DLC1: variants seen among roughly 807,000 people sequenced by gnomAD.
DLC1 encodes DLC1 Rho GTPase activating protein.
In DLC1, 54 loss-of-function variants were observed where a neutral mutation model predicts 140.3. The ratio of observed to expected loss-of-function variants is 0.38; its 90% CI spans 0.31 to 0.48. DLC1 has a LOEUF of 0.48. Ranked by LOEUF, DLC1 falls within the 20% of genes least tolerant of loss-of-function variation. The pLI is 0.96. For missense variants in DLC1, 2,536 were observed against 1,907.0 expected (o/e 1.33, Z -6.14); for synonymous variants, 986 against 728.1 (o/e 1.35, Z -5.70).
intron 6 of DLC1, among the ~76,000 whole-genome samples, chr8:13,111,874 T>G (rs1820141385): frequency 6.6e-6 from 1 of 152,136 alleles, no homozygotes; most frequent in Non-Finnish European, 1.5e-5. Context: ...CTGGGCACTG[T>G]GGCTCACATC....
Position 13,497,253 on chromosome 8 carries a change from A to G in DLC1, c.1023+1796T>C, listed in dbSNP as rs952821019. On this transcript the variant is annotated intron_variant, in intron 2 of 17. Transcript: ENST00000276297. ...CTAAAAATGGCGAATTGCCAATTCAATGGTATTTTAACACTCATCCAATAA... is the reference window on the plus strand; with the variant it reads ...CTAAAAATGGCGAATTGCCAATTCAGTGGTATTTTAACACTCATCCAATAA... Among the ~76,000 whole-genome samples, 10 of 152,212 alleles carry G rather than the reference A, an allele frequency of 6.6e-5. No individual in the cohort carries two copies. In the South Asian group the frequency reaches 1.9e-3, roughly 28 times the overall value.
In DLC1 at chr8:13,090,433, G is replaced by C. The variant is rs750273886; in HGVS notation, c.3893C>G (p.Thr1298Ser). The C allele has an allele frequency of 2.5e-6, 4 of 1,614,056 alleles. No homozygotes were observed. The highest frequency in any genetic ancestry group is 2.2e-5 in the East Asian group (1 of 44,888). ...AGTGAGGGGCTTCAGCTCTTGTTCGGTATAGGAATTACGACATCGGCTCAT... is the reference window on the plus strand; with the variant it reads ...AGTGAGGGGCTTCAGCTCTTGTTCGCTATAGGAATTACGACATCGGCTCAT... ...EEMSRCRNSY[T>S]EQELKPLTLE... Residue 1298 changes from threonine to serine, a missense_variant, in exon 15 of 18, where the codon ACC (threonine) becomes AGC (serine). Transcript: ENST00000276297.
At chr8:13,580,279 C>A (rs1805044348) in intron 1 of DLC1, among the ~76,000 whole-genome samples, 1 of 152,038 alleles carries the variant, frequency 6.6e-6, no homozygotes, top group Non-Finnish European at 1.5e-5. Flanking sequence ...ACCGCCACCA[C>A]GCGCGGCTAA....
intron 1 of DLC1, among the ~76,000 whole-genome samples, chr8:13,551,682 G>T (rs1803857207): frequency 6.6e-6 from 1 of 151,756 alleles, no homozygotes; most frequent in African/African-American, 2.4e-5. Context: ...TTATCTAGAT[G>T]AAAAACTTTT....
intron 5 of DLC1, among the ~76,000 whole-genome samples, chr8:13,182,318 A>T (rs1485182388): frequency 6.6e-6 from 1 of 151,720 alleles, no homozygotes; most frequent in Non-Finnish European, 1.5e-5. Flanking sequence ...GAAGCTCTTT[A>T]GTTTAATTAG....
chr8:13,601,658 A>G (rs1805889034), intron 1 of DLC1, among the ~76,000 whole-genome samples: 1 of 151,688 alleles, frequency 6.6e-6, no homozygotes, highest in Non-Finnish European at 1.5e-5. Context: ...AAAAAAAACA[A>G]AACAAAACAA....
chr8:13,551,791 C>G (rs1334648822), intron 1 of DLC1, among the ~76,000 whole-genome samples: 1 of 148,756 alleles, frequency 6.7e-6, no homozygotes, highest in South Asian at 2.1e-4. Flanking sequence ...ATATATGTAT[C>G]TATATCTAGG....
intron 5 of DLC1, among the ~76,000 whole-genome samples, chr8:13,191,021 G>A (rs984578136): frequency 2.0e-5 from 3 of 151,914 alleles, no homozygotes; most frequent in African/African-American, 7.3e-5. Flanking sequence ...TATATTGGGG[G>A]TGAGATAGAT....
In DLC1 at chr8:13,084,243, A is replaced by T. The variant is rs969095847; in HGVS notation, c.*1568T>A. The T allele has an allele frequency of 6.6e-6, 1 of 152,636 alleles. No homozygotes were observed. Among genetic ancestry groups the T allele is most frequent in the Admixed American group, 6.5e-5 (1 of 15,284 alleles). 9.5% of individuals were successfully genotyped at this position (152,636 alleles called of 1,614,324 possible). On this transcript the variant is annotated 3_prime_UTR_variant, in exon 18 of 18. Coordinates refer to ENST00000276297, the MANE Select transcript of DLC1 (RefSeq NM_182643.3). ...AGCCATCAAAATTGAATATCCATGTATATCTTCATGAGGAACACTGATATC... is the reference window on the plus strand; with the variant it reads ...AGCCATCAAAATTGAATATCCATGTTTATCTTCATGAGGAACACTGATATC...
intron 5 of DLC1, among the ~76,000 whole-genome samples, chr8:13,243,290 CAAAAAAAAA>C (rs56092434): frequency 5.5e-5 from 3 of 54,338 alleles, no homozygotes; most frequent in Admixed American, 2.4e-4. Context: ...GACTCTGTCT[CAAAAAAAAA>C]AAAAAAAAAA....
At position 13,098,460 on chromosome 8, in the gene DLC1, G is replaced by A; in HGVS notation, c.3106C>T (p.Leu1036Phe). 3 of 1,614,216 alleles carry A rather than the reference G, an allele frequency of 1.9e-6. No homozygotes were observed. Among genetic ancestry groups the A allele is most frequent in the Non-Finnish European group, 2.5e-6 (3 of 1,180,032 alleles). Reference sequence around the variant, plus strand: ...TCCAGCAGGGCCGTTAGCTTTAGGAGTGAGTATTTCTGCAGCAGGTTCATC... The same window carrying A: ...TCCAGCAGGGCCGTTAGCTTTAGGAATGAGTATTTCTGCAGCAGGTTCATC... ...AQMNLLQKYSLLKLTALLEKY... is the reference protein window; with the variant it reads ...AQMNLLQKYSFLKLTALLEKY... The change falls in exon 10 of 18, where the codon CTC (leucine) becomes TTC (phenylalanine). Residue 1036 changes from leucine (L) to phenylalanine (F), a missense_variant. Leu to Phe is a conservative substitution (Grantham distance 22). Coordinates refer to ENST00000276297, the MANE Select transcript of DLC1 (RefSeq NM_182643.3).
intron 5 of DLC1, among the ~76,000 whole-genome samples, chr8:13,230,581 TTC>T (rs1242592325): frequency 4.0e-5 from 6 of 150,520 alleles, no homozygotes; most frequent in African/African-American, 1.5e-4. Context: ...TATAGATTTT[TTC>T]TTTTTTCTTT....
At chr8:13,401,745 G>A in intron 2 of DLC1, 126 bp from the exon 3 acceptor site, 1 of 1,231,814 alleles carries the variant, frequency 8.1e-7, no homozygotes, top group Non-Finnish European at 1.1e-6. Flanking sequence ...TAGAAGAGAA[G>A]TTCCATTCTG....
At chr8:13,125,185 C>G (rs1435082457) in intron 5 of DLC1, among the ~76,000 whole-genome samples, 1 of 152,172 alleles carries the variant, frequency 6.6e-6, no homozygotes, top group Non-Finnish European at 1.5e-5. Flanking sequence ...CCATGTTGGC[C>G]AGGCTGGTCT....
chr8:13,346,723 T>A (rs2117010376), intron 4 of DLC1, among the ~76,000 whole-genome samples: 1 of 152,278 alleles, frequency 6.6e-6, no homozygotes, highest in East Asian at 1.9e-4. Context: ...AAAACCCCCC[T>A]TTGTCAGTCT....
chr8:13,234,515 T>G (rs959628919), intron 5 of DLC1, among the ~76,000 whole-genome samples: 1 of 152,120 alleles, frequency 6.6e-6, no homozygotes, highest in South Asian at 2.1e-4. Flanking sequence ...GACAATGCAC[T>G]TAGCCTATGA....
chr8:13,593,591 A>C (rs780338510), intron 1 of DLC1, among the ~76,000 whole-genome samples: 4 of 152,116 alleles, frequency 2.6e-5, no homozygotes, highest in African/African-American at 4.8e-5. Context: ...ATAACAAAGA[A>C]ACCTTTGTTG....
chr8:13,169,643 TAA>T (rs1258937626), intron 5 of DLC1, among the ~76,000 whole-genome samples: 2 of 152,152 alleles, frequency 1.3e-5, no homozygotes, highest in Non-Finnish European at 2.9e-5. Context: ...ATCTGAAAAA[TAA>T]AAGAGGTGGT....
intron 5 of DLC1, among the ~76,000 whole-genome samples, chr8:13,246,145 C>T (rs1829754579): frequency 1.3e-5 from 2 of 152,118 alleles, no homozygotes; most frequent in African/African-American, 2.4e-5. Context: ...GCAACACTTC[C>T]ACCTAGAACT....
Sources: allele counts gnomAD v4.1 joint callset (sites outside exome capture counted in the v4.1 genomes callset), GRCh38; gene constraint gnomAD v4.1.1; transcripts MANE v1.5; gene names NCBI Gene and HGNC (gene_info 2026-07-23, HGNC 2026-07-21).